LRMDA: variants seen among roughly 807,000 people sequenced by gnomAD.
LRMDA encodes leucine-rich melanocyte differentiation-associated protein.
Under a neutral mutation model 29.8 loss-of-function variants are expected in LRMDA, and 18 were observed. The ratio of observed to expected loss-of-function variants is 0.60; its 90% CI spans 0.42 to 0.90. The LOEUF is 0.90. Ranked by LOEUF, LRMDA falls within the 40% of genes least tolerant of loss-of-function variation. LRMDA has a pLI of 0.00. For synonymous variants in LRMDA, 125 were observed against 109.4 expected, an observed-to-expected ratio of 1.14 and a Z score of -0.89; for missense variants, 273 against 273.9, an observed-to-expected ratio of 1.00 and a Z score of 0.02.
At chr10:76,309,437 C>G (rs377753142) in intron 5 of LRMDA, among the ~76,000 whole-genome samples, 1 of 151,952 alleles carries the variant, frequency 6.6e-6, no homozygotes, top group Admixed American at 6.5e-5. Context: ...AGGAACAGTT[C>G]GAGGAAAGCC....
intron 2 of LRMDA, among the ~76,000 whole-genome samples, chr10:75,876,593 T>G (rs1432125075): frequency 6.6e-6 from 1 of 152,186 alleles, no homozygotes; most frequent in Non-Finnish European, 1.5e-5. Flanking sequence ...AGTCTAGAAC[T>G]TTCTATTCAT....
At chr10:75,731,370 A>G (rs768467018) in intron 2 of LRMDA, among the ~76,000 whole-genome samples, 1 of 152,224 alleles carries the variant, frequency 6.6e-6, no homozygotes, top group Non-Finnish European at 1.5e-5. Context: ...CTTTCTGTGT[A>G]TCATTATGCC....
chr10:76,476,503 C>T (rs185334775), intron 6 of LRMDA, among the ~76,000 whole-genome samples: 21 of 152,140 alleles, frequency 1.4e-4, no homozygotes, highest in Admixed American at 1.3e-4. Context: ...CCTTCAGAAA[C>T]TATTCCAATC....
chr10:75,735,514 A>T (rs1484993000), intron 2 of LRMDA, among the ~76,000 whole-genome samples: 2 of 152,210 alleles, frequency 1.3e-5, no homozygotes, highest in Non-Finnish European at 2.9e-5. Context: ...CTGGATTGGT[A>T]CTGAGGGATA....
intron 2 of LRMDA, among the ~76,000 whole-genome samples, chr10:75,714,524 G>T (rs1400872022): frequency 1.3e-5 from 2 of 152,184 alleles, no homozygotes; most frequent in Non-Finnish European, 2.9e-5. Context: ...CTCATACATG[G>T]CCCAGAAATA....
At chr10:76,467,520 A>G (rs1267843044) in intron 6 of LRMDA, among the ~76,000 whole-genome samples, 1 of 152,196 alleles carries the variant, frequency 6.6e-6, no homozygotes, top group Non-Finnish European at 1.5e-5. Context: ...CAGGTTTTGT[A>G]TCAGTATTTA....
At chr10:76,028,840 C>A (rs1385874314) in intron 2 of LRMDA, among the ~76,000 whole-genome samples, 1 of 138,038 alleles carries the variant, frequency 7.2e-6, no homozygotes, top group Non-Finnish European at 1.5e-5. Context: ...TTTTTTTGAG[C>A]CGAGTCTCAC....
At chr10:76,344,195 T>A (rs895770274) in intron 6 of LRMDA, among the ~76,000 whole-genome samples, 6 of 152,076 alleles carry the variant, frequency 3.9e-5, no homozygotes, top group Admixed American at 2.6e-4. Flanking sequence ...GAAAGTAAAA[T>A]ATACAGTGAA....
In LRMDA at chr10:76,422,315, A is replaced by G. The variant is rs139179771; in HGVS notation, c.601+97830A>G. On this transcript the variant is annotated intron_variant, in intron 6 of 6. Coordinates refer to ENST00000611255, the MANE Select transcript of LRMDA (RefSeq NM_001305581.2). ...TATCCTCTCAGGTCGTCACTGCCTT[A>G]GTAACTCACTGAGGCCCTGACGTAA... Among the ~76,000 whole-genome samples the G allele has an allele frequency of 3.3e-5, 5 of 152,164 alleles. No homozygotes were observed. In the East Asian group the frequency reaches 7.7e-4, roughly 24 times the overall value.
chr10:75,850,335 G>A (rs1844711156), intron 2 of LRMDA, among the ~76,000 whole-genome samples: 1 of 152,144 alleles, frequency 6.6e-6, no homozygotes, highest in Non-Finnish European at 1.5e-5. Context: ...TGTAAATGAT[G>A]GAGTCTTTTA....
intron 6 of LRMDA, among the ~76,000 whole-genome samples, chr10:76,550,440 C>T (rs970129007): frequency 6.6e-6 from 1 of 152,116 alleles, no homozygotes; most frequent in Non-Finnish European, 1.5e-5. Flanking sequence ...GTGGTCACTG[C>T]GGTATTTAGC....
intron 5 of LRMDA, among the ~76,000 whole-genome samples, chr10:76,277,091 T>C (rs1266991340): frequency 2.0e-5 from 3 of 152,194 alleles, no homozygotes; most frequent in Non-Finnish European, 2.9e-5. Flanking sequence ...GCTCTCTCAC[T>C]CTGGGATTCC....
intron 2 of LRMDA, among the ~76,000 whole-genome samples, chr10:75,507,844 G>T (rs1030515247): frequency 4.6e-5 from 7 of 152,138 alleles, no homozygotes; most frequent in South Asian, 4.1e-4. Context: ...GGCACAGAAG[G>T]TTCCCTTTAA....
chr10:75,572,553 C>T (rs767346499), intron 2 of LRMDA, among the ~76,000 whole-genome samples: 2 of 152,110 alleles, frequency 1.3e-5, no homozygotes, highest in Non-Finnish European at 2.9e-5. Context: ...CGATTTCTGC[C>T]AAGTACACTA....
chr10:76,520,138 T>A (rs1176236698), intron 6 of LRMDA, among the ~76,000 whole-genome samples: 1 of 152,116 alleles, frequency 6.6e-6, no homozygotes, highest in Admixed American at 6.5e-5. Context: ...ATTCATTTAG[T>A]CCTAATATTT....
intron 6 of LRMDA, among the ~76,000 whole-genome samples, chr10:76,357,028 GAGTGCAAACCAAAAAATTGGCA>G (rs1235338229): frequency 1.3e-5 from 2 of 152,162 alleles, no homozygotes; most frequent in African/African-American, 4.8e-5. Flanking sequence ...AACAAGATGT[GAGTGCAAACCAAAAAATTGGCA>G]AGTGCAAAAC....
chr10:75,508,060 C>A (rs1048136839), intron 2 of LRMDA, among the ~76,000 whole-genome samples: 13 of 152,190 alleles, frequency 8.5e-5, no homozygotes, highest in African/African-American at 3.1e-4. Flanking sequence ...GTCTAGAGCT[C>A]TTGAATTATG....
At chr10:75,443,424 A>G (rs1047187195) in intron 2 of LRMDA, among the ~76,000 whole-genome samples, 14 of 152,106 alleles carry the variant, frequency 9.2e-5, no homozygotes, top group Non-Finnish European at 1.9e-4. Flanking sequence ...GTTGAATTTT[A>G]TCAAATGCTT....
intron 2 of LRMDA, among the ~76,000 whole-genome samples, chr10:75,995,632 A>T (rs1847449209): frequency 6.6e-6 from 1 of 152,242 alleles, no homozygotes; most frequent in Non-Finnish European, 1.5e-5. Flanking sequence ...TATAGCTGGG[A>T]TAAGAAGAAA....
Sources: gnomAD v4.1 joint callset for allele counts (sites outside exome capture counted in the v4.1 genomes callset) on GRCh38, gnomAD v4.1.1 for gene constraint, MANE v1.5 for transcripts, NCBI Gene and HGNC (gene_info 2026-07-23, HGNC 2026-07-21) for gene names.